MCCC2: variants seen among roughly 807,000 people sequenced by gnomAD.
MCCC2 encodes methylcrotonoyl-CoA carboxylase beta chain, mitochondrial.
A neutral mutation model predicts 77.2 loss-of-function variants in MCCC2; 52 were observed. The observed-to-expected ratio is 0.67, with a 90% CI of 0.54 to 0.85. The LOEUF (loss-of-function observed/expected upper bound fraction) is 0.85, where lower values mean the gene tolerates loss of function less well. Ranked by LOEUF, MCCC2 falls within the 40% of genes least tolerant of loss-of-function variation. The pLI, the probability that MCCC2 is intolerant of heterozygous loss-of-function variation, is 0.00. For synonymous variants in MCCC2, 253 were observed against 248.4 expected, an observed-to-expected ratio of 1.02 and a Z score of -0.18; for missense variants, 682 against 703.2, an observed-to-expected ratio of 0.97 and a Z score of 0.34.
At chr5:71,635,352 T>C in intron 10 of MCCC2, 106 bp downstream of exon 10, 1 of 967,940 alleles carries the variant, frequency 1.0e-6, no homozygotes, top group Non-Finnish European at 1.7e-6. Context: ...TGCCTAGAAA[T>C]AGATGTGGAT....
chr5:71,644,070 T>TGC (rs764993022), intron 12 of MCCC2, among the ~76,000 whole-genome samples, 175 bp downstream of exon 12: 41 of 55,708 alleles, frequency 7.4e-4, no homozygotes, highest in African/African-American at 1.9e-3. Flanking sequence ...TGTGTGTGTG[T>TGC]GCGCGCGTGT....
intron 15 of MCCC2, among the ~76,000 whole-genome samples, chr5:71,651,702 A>G (rs910779404): frequency 6.6e-6 from 1 of 152,104 alleles, no homozygotes; most frequent in Non-Finnish European, 1.5e-5. Flanking sequence ...GAGGTTTCAG[A>G]TTCACTTTAG....
chr5:71,608,047 A>G lies in MCCC2; in HGVS notation c.624+3579A>G, dbSNP rs1345541464. Among the ~76,000 whole-genome samples the G allele has an allele frequency of 1.7e-3, 184 of 107,048 alleles. 2 individuals are homozygous for G. Among genetic ancestry groups the G allele is most frequent in the African/African-American group, 6.3e-3 (178 of 28,088 alleles). 70.2% of individuals were successfully genotyped at this position (107,048 alleles called of 152,430 possible). On this transcript the variant is annotated intron_variant, in intron 6 of 16. Transcript: ENST00000340941. ...TGGTGTGGTGCTGAAAAAAATGTATATTCTGTTGATTTGGGGTGGAGAGTT... is the reference window on the plus strand; with the variant it reads ...TGGTGTGGTGCTGAAAAAAATGTATGTTCTGTTGATTTGGGGTGGAGAGTT...
At chr5:71,596,242 T>C (rs890710289) in intron 2 of MCCC2, 38 bp from the exon 3 acceptor site, 1 of 1,569,668 alleles carries the variant, frequency 6.4e-7, no homozygotes, top group African/African-American at 1.3e-5. Flanking sequence ...CTTTTTATCG[T>C]GTCAATCTAA....
chr5:71,604,340 C>T lies in MCCC2; in HGVS notation c.512-16C>T, dbSNP rs1286870570. 1 of 1,605,744 alleles carries T rather than the reference C, an allele frequency of 6.2e-7. No homozygotes were observed. The highest frequency in any genetic ancestry group is 8.5e-7 in the Non-Finnish European group (1 of 1,172,448). On this transcript the variant is annotated splice_polypyrimidine_tract_variant and intron_variant, in intron 5 of 16. Transcript: ENST00000340941. ...AGTTCATAGAGATGCTTATGTTTCT[C>T]ATTTCTTGTCTTCAGTTGATTCGGG...
intron 10 of MCCC2, among the ~76,000 whole-genome samples, chr5:71,639,249 A>G (rs1190879972): frequency 6.6e-6 from 1 of 152,186 alleles, no homozygotes; most frequent in African/African-American, 2.4e-5. Flanking sequence ...TTCTTCCACC[A>G]GAAGGCTGTT....
At chr5:71,642,481 C>G (rs561799337) in intron 11 of MCCC2, among the ~76,000 whole-genome samples, 1 of 152,222 alleles carries the variant, frequency 6.6e-6, no homozygotes. Flanking sequence ...TGAAGACCGT[C>G]CCTCTATGGG....
intron 13 of MCCC2, among the ~76,000 whole-genome samples, chr5:71,648,310 C>G (rs1458535463): frequency 6.6e-6 from 1 of 152,124 alleles, no homozygotes; most frequent in South Asian, 2.1e-4. Context: ...CGAAGCCCAA[C>G]TCAGTGTTAT....
At chr5:71,644,034 TG>T in intron 12 of MCCC2, 139 bp downstream of exon 12, 10 of 376,868 alleles carry the variant, frequency 2.7e-5, no homozygotes, top group Non-Finnish European at 4.2e-5. Context: ...TGCGCGGGCA[TG>T]TGTGTGTGTG....
intron 15 of MCCC2, among the ~76,000 whole-genome samples, chr5:71,651,387 T>A (rs923559884): frequency 9.9e-5 from 15 of 152,234 alleles, no homozygotes; most frequent in African/African-American, 3.6e-4. Flanking sequence ...ATGAATTCTT[T>A]TGTTTGTGTC....
At chr5:71,593,697 T>C (rs1410707710) in intron 2 of MCCC2, among the ~76,000 whole-genome samples, 8 of 152,102 alleles carry the variant, frequency 5.3e-5, no homozygotes. Flanking sequence ...CAGTGATTTC[T>C]TAGTAGGCAT....
intron 8 of MCCC2, among the ~76,000 whole-genome samples, chr5:71,632,729 CTGA>C (rs1179471687): frequency 6.6e-6 from 1 of 152,098 alleles, no homozygotes; most frequent in Admixed American, 6.5e-5. Context: ...CCCACCATGG[CTGA>C]TTTCAGGCTG....
At chr5:71,648,512 A>C (rs1342625401) in intron 13 of MCCC2, among the ~76,000 whole-genome samples, 4 of 152,174 alleles carry the variant, frequency 2.6e-5, no homozygotes, top group African/African-American at 9.7e-5. Context: ...ATGTCTTCAA[A>C]GTTTCAAAGC....
At chr5:71,622,561 G>C (rs2112399632) in intron 6 of MCCC2, among the ~76,000 whole-genome samples, 1 of 152,208 alleles carries the variant, frequency 6.6e-6, no homozygotes, top group South Asian at 2.1e-4. Context: ...CCCAATAGCA[G>C]TCACTCCCCA....
intron 6 of MCCC2, among the ~76,000 whole-genome samples, chr5:71,621,824 A>G (rs1361194434): frequency 3.9e-5 from 6 of 152,194 alleles, no homozygotes; most frequent in Non-Finnish European, 2.9e-5. Context: ...AAGACCTATT[A>G]TCTGATAGCA....
intron 6 of MCCC2, among the ~76,000 whole-genome samples, chr5:71,614,295 A>G (rs1277724245): frequency 6.6e-6 from 1 of 152,068 alleles, no homozygotes; most frequent in Non-Finnish European, 1.5e-5. Flanking sequence ...TATGATTTTA[A>G]TACTAACCTC....
chr5:71,615,921 A>G (rs1051921474), intron 6 of MCCC2, among the ~76,000 whole-genome samples: 1 of 152,188 alleles, frequency 6.6e-6, no homozygotes, highest in East Asian at 1.9e-4. Flanking sequence ...GGTCACCAGA[A>G]AGACCAAGCC....
At chr5:71,593,299 A>T (rs1179500774) in intron 2 of MCCC2, among the ~76,000 whole-genome samples, 1 of 152,126 alleles carries the variant, frequency 6.6e-6, no homozygotes. Context: ...CATGTTGGCC[A>T]GGCTGGTCTT....
At chr5:71,594,144 A>G (rs1451644808) in intron 2 of MCCC2, among the ~76,000 whole-genome samples, 1 of 152,168 alleles carries the variant, frequency 6.6e-6, no homozygotes, top group Non-Finnish European at 1.5e-5. Context: ...TGCTGAAATG[A>G]AAGTGTTTTG....
Sources: allele counts gnomAD v4.1 joint callset (sites outside exome capture counted in the v4.1 genomes callset), GRCh38; gene constraint gnomAD v4.1.1; transcripts MANE v1.5; gene names NCBI Gene and HGNC (gene_info 2026-07-23, HGNC 2026-07-21).